Variants in LAMB4 observed in about 807,000 individuals in gnomAD.
LAMB4 encodes laminin subunit beta 4, also known as laminin subunit beta-4.
A neutral mutation model predicts 199.2 loss-of-function variants in LAMB4; 196 were observed. The ratio of observed to expected loss-of-function variants is 0.98; its 90% CI spans 0.88 to 1.11. The LOEUF (loss-of-function observed/expected upper bound fraction) is 1.11. Ranked by LOEUF, LAMB4 falls within the 50% of genes least tolerant of loss-of-function variation. The pLI, the probability that LAMB4 is intolerant of heterozygous loss-of-function variation, is 0.00. For synonymous variants in LAMB4, 744 were observed against 770.6 expected, an observed-to-expected ratio of 0.97 and a Z score of 0.57; for missense variants, 2,080 against 2,171.2, an observed-to-expected ratio of 0.96 and a Z score of 0.83.
chr7:108,037,525 T>C lies in LAMB4; in HGVS notation c.4542A>G (p.Pro1514=), dbSNP rs147651631. ...NGVLDIHLPI[P]SQNLTDELVK... Reference sequence around the variant, plus strand: ...CAAGTTCATCGGTTAGATTTTGGGATGGAATTGGTAGGTGAATGTCAAGCA... The same window carrying C: ...CAAGTTCATCGGTTAGATTTTGGGACGGAATTGGTAGGTGAATGTCAAGCA... The change falls in exon 30 of 34, where the codon CCA becomes CCG. Residue 1514 remains proline, a synonymous_variant. Transcript: ENST00000388781. 6.2e-6 allele frequency: 10 copies of C among 1,614,088 alleles called. No homozygotes were observed. Among genetic ancestry groups the C allele is most frequent in the Middle Eastern group, 3.3e-4 (2 of 6,084 alleles).
intron 6 of LAMB4, among the ~76,000 whole-genome samples, chr7:108,106,875 C>T (rs1189032760): frequency 6.6e-6 from 1 of 152,146 alleles, no homozygotes; most frequent in African/African-American, 2.4e-5. Flanking sequence ...CCGTGAAATG[C>T]ACTCTTACAG....
intron 14 of LAMB4, among the ~76,000 whole-genome samples, chr7:108,089,546 G>A (rs2037318552): frequency 6.6e-6 from 1 of 152,184 alleles, no homozygotes; most frequent in Non-Finnish European, 1.5e-5. Flanking sequence ...AAATGTGTTA[G>A]CTGTAGTAAA....
chr7:108,091,149 C>T (rs2037386773), intron 14 of LAMB4, among the ~76,000 whole-genome samples: 1 of 151,626 alleles, frequency 6.6e-6, no homozygotes, highest in Non-Finnish European at 1.5e-5. Context: ...CTCTTGAGAA[C>T]CTTCTATACT....
intron 24 of LAMB4, among the ~76,000 whole-genome samples, chr7:108,057,549 TC>T: frequency 6.6e-6 from 1 of 152,308 alleles, no homozygotes; most frequent in Non-Finnish European, 1.5e-5. Flanking sequence ...TGGATTTTCT[TC>T]TTTTGGAAGC....
intron 16 of LAMB4, among the ~76,000 whole-genome samples, chr7:108,077,303 C>T (rs1176863261): frequency 1.3e-5 from 2 of 152,032 alleles, no homozygotes; most frequent in Non-Finnish European, 2.9e-5. Flanking sequence ...AAACTATTGG[C>T]TGTGGGTTGT....
chr7:108,104,939 G>A (rs374170249), intron 8 of LAMB4, among the ~76,000 whole-genome samples: 1 of 152,010 alleles, frequency 6.6e-6, no homozygotes, highest in East Asian at 1.9e-4. Flanking sequence ...GGGGAGTTGG[G>A]GGGGAGTAGT....
intron 13 of LAMB4, 137 bp from the exon 14 acceptor site, chr7:108,091,913 G>A (rs1249176952): frequency 1.2e-6 from 1 of 840,834 alleles, no homozygotes. Context: ...GTGGGAAGAT[G>A]CAGAAAGGCC....
downstream of LAMB4, among the ~76,000 whole-genome samples, chr7:108,019,733 A>G (rs116593428): frequency 4.5e-3 from 678 of 152,262 alleles, 5 homozygotes; most frequent in African/African-American, 0.015. Context: ...ACCAAAAGGA[A>G]GAAGGAGTAG....
chr7:108,025,410 T>TTTCTTTCTTTCTTTCTTTCTTTC, intron 33 of LAMB4, among the ~76,000 whole-genome samples: 1 of 112,686 alleles, frequency 8.9e-6, no homozygotes, highest in African/African-American at 8.2e-5. Flanking sequence ...TCTTTCTTTC[T>TTTCTTTCTTTCTTTCTTTCTTTC]TTCTTTCTTC....
chr7:108,036,156 C>T (rs1054124088), intron 30 of LAMB4, among the ~76,000 whole-genome samples: 1 of 151,972 alleles, frequency 6.6e-6, no homozygotes, highest in African/African-American at 2.4e-5. Context: ...CTTCCCCCAG[C>T]CCATCAGTAT....
downstream of LAMB4, among the ~76,000 whole-genome samples, chr7:108,023,103 C>T (rs148159944): frequency 6.6e-6 from 1 of 152,254 alleles, no homozygotes; most frequent in African/African-American, 2.4e-5. Context: ...CATGAGTCAC[C>T]ATGCCTGGCT....
chr7:108,064,386 A>G lies in LAMB4; in HGVS notation c.2837-401T>C, dbSNP rs183469272. On this transcript the variant is annotated intron_variant, in intron 21 of 33. Transcript: ENST00000388781. ...CCTAGAGGTGAACTAAGGTGAAAAT[A>G]AAGCAGGCCTGAAGAGAAAGTCCCA... is the stretch of plus-strand genomic sequence containing the variant. Among the ~76,000 whole-genome samples, 4 of 152,316 alleles carry G rather than the reference A, an allele frequency of 2.6e-5. No individual in the cohort carries two copies. The East Asian group carries it at 7.7e-4, about 29-fold the overall frequency.
intron 10 of LAMB4, among the ~76,000 whole-genome samples, chr7:108,100,502 C>T (rs768868364): frequency 6.6e-6 from 1 of 152,152 alleles, no homozygotes; most frequent in Non-Finnish European, 1.5e-5. Flanking sequence ...TTGTTACAAG[C>T]TCCTCATCTA....
At chr7:108,034,378 T>G (rs1450986105) in intron 30 of LAMB4, 32 bp from the exon 31 acceptor site, 1 of 1,510,214 alleles carries the variant, frequency 6.6e-7, no homozygotes, top group African/African-American at 1.4e-5. Context: ...TCAGATTAGA[T>G]AAATACACAA....
chr7:108,103,302 G>GGCT, intron 9 of LAMB4, 70 bp from the exon 10 acceptor site: 1 of 1,282,976 alleles, frequency 7.8e-7, no homozygotes, highest in Non-Finnish European at 1.1e-6. Flanking sequence ...CCCCCGCACT[G>GGCT]GTCAGGGCAC....
chr7:108,096,768 A>C (rs1215376039), intron 11 of LAMB4, among the ~76,000 whole-genome samples: 1 of 111,252 alleles, frequency 9.0e-6, no homozygotes, highest in Admixed American at 8.9e-5. Flanking sequence ...TCCGTCTCTC[A>C]AAAAAAAAAA....
At chr7:108,068,948 A>G (rs1194593675) in intron 18 of LAMB4, among the ~76,000 whole-genome samples, 1 of 152,118 alleles carries the variant, frequency 6.6e-6, no homozygotes, top group Non-Finnish European at 1.5e-5. Flanking sequence ...AGCCTCCCAA[A>G]GTGCTGGGAT....
chr7:108,119,318 A>G (rs531566288), intron 2 of LAMB4, among the ~76,000 whole-genome samples: 2 of 152,346 alleles, frequency 1.3e-5, no homozygotes, highest in East Asian at 3.9e-4. Flanking sequence ...ATGTTCACAC[A>G]AAAACCCTAT....
downstream of LAMB4, among the ~76,000 whole-genome samples, chr7:108,019,472 T>C (rs527461201): frequency 3.3e-5 from 5 of 152,196 alleles, no homozygotes; most frequent in African/African-American, 1.2e-4. Flanking sequence ...CCCTTTGCCA[T>C]GTAACGTAAT....
Sources: gnomAD v4.1 joint callset for allele counts (sites outside exome capture counted in the v4.1 genomes callset) on GRCh38, gnomAD v4.1.1 for gene constraint, MANE v1.5 for transcripts, NCBI Gene and HGNC (gene_info 2026-07-23, HGNC 2026-07-21) for gene names.